Variants in LPIN2 observed in about 807,000 individuals in gnomAD.
LPIN2 encodes phosphatidate phosphatase LPIN2.
LPIN2 carries 55 observed loss-of-function variants against 111.4 expected under a neutral mutation model. The ratio of observed to expected loss-of-function variants is 0.49; its 90% CI spans 0.40 to 0.62. The LOEUF (loss-of-function observed/expected upper bound fraction) is 0.62, where lower values mean the gene tolerates loss of function less well. LPIN2 is among the 20% of genes least tolerant of loss of function. The pLI, the probability that LPIN2 is intolerant of heterozygous loss-of-function variation, is 0.00. For synonymous variants in LPIN2, 425 were observed against 414.0 expected, an observed-to-expected ratio of 1.03 and a Z score of -0.32; for missense variants, 992 against 1,112.1, an observed-to-expected ratio of 0.89 and a Z score of 1.54.
intron 19 of LPIN2, among the ~76,000 whole-genome samples, 162 bp from the exon 20 acceptor site, chr18:2,920,599 G>C (rs1019610351): frequency 6.6e-6 from 1 of 152,066 alleles, no homozygotes; most frequent in Admixed American, 6.5e-5. Context: ...TACAAGTCTA[G>C]GATAACCAGA....
intron 2 of LPIN2, among the ~76,000 whole-genome samples, chr18:2,956,336 G>C (rs1475283944): frequency 6.6e-6 from 1 of 151,314 alleles, no homozygotes; most frequent in Non-Finnish European, 1.5e-5. Context: ...GTGTGTGTGT[G>C]TGTGTGTGTA....
chr18:3,010,495 G>C (rs1004619142), intron 1 of LPIN2, among the ~76,000 whole-genome samples: 1 of 152,148 alleles, frequency 6.6e-6, no homozygotes, highest in African/African-American at 2.4e-5. Context: ...TTACCAAGCA[G>C]TGAAGGGTAT....
At chr18:2,935,505 A>T (rs1470004222) in intron 7 of LPIN2, among the ~76,000 whole-genome samples, 3 of 152,180 alleles carry the variant, frequency 2.0e-5, no homozygotes, top group Non-Finnish European at 4.4e-5. Flanking sequence ...GGATGGGTGT[A>T]GGAGAGAGAG....
chr18:2,981,690 C>T (rs192454521), intron 1 of LPIN2, among the ~76,000 whole-genome samples: 17 of 152,310 alleles, frequency 1.1e-4, no homozygotes, highest in Non-Finnish European at 1.8e-4. Context: ...CGTGGTAGCA[C>T]CTGACTCTTC....
chr18:2,920,789 T>G lies in LPIN2; in HGVS notation c.2535A>C (p.Gly845=), dbSNP rs186864136. ...GAGAATGTACTTACGATGACTTGTT[T>G]CCTTTGGTTCTTTCTTGTATTAATT... is the stretch of plus-strand genomic sequence containing the variant. ...KGELIQERTK[G]NKSSYHRLSE... is the part of the protein sequence containing the mutation. Residue 845 remains glycine, a synonymous_variant, in exon 19 of 20, where the codon GGA becomes GGC. Coordinates refer to ENST00000677752, the MANE Select transcript of LPIN2 (RefSeq NM_001375808.2). The G allele has an allele frequency of 1.7e-4, 267 of 1,613,796 alleles. No individual in the cohort carries two copies. The highest frequency in any genetic ancestry group is 2.0e-4 in the Non-Finnish European group (238 of 1,179,660).
Position 2,937,549 on chromosome 18 carries a change from A to T in LPIN2, c.1168+143T>A. The stretch of plus-strand genomic sequence containing the variant: ...AACAAGAGCGAAACTCCAGCTAAAA[A>T]AAAAAAAAAAAAAAAAAAAAAAGTG... On this transcript the variant is annotated intron_variant, in intron 7 of 19. Transcript: ENST00000677752. 4 of 381,596 alleles carry T rather than the reference A, an allele frequency of 1.0e-5. No individual in the cohort carries two copies. In the East Asian group the frequency reaches 2.9e-4, roughly 27 times the overall value. The allele number at this position is 381,596 out of a possible 1,614,324, so 23.6% of individuals were successfully genotyped here.
intron 1 of LPIN2, among the ~76,000 whole-genome samples, chr18:3,000,836 C>T (rs1295594344): frequency 6.6e-6 from 1 of 151,922 alleles, no homozygotes; most frequent in Non-Finnish European, 1.5e-5. Context: ...GACTGTGTCT[C>T]GTCCAAAAAC....
At chr18:2,935,825 A>T (rs1055313179) in intron 7 of LPIN2, among the ~76,000 whole-genome samples, 1 of 151,858 alleles carries the variant, frequency 6.6e-6, no homozygotes, top group Non-Finnish European at 1.5e-5. Flanking sequence ...TTGAGGAGAG[A>T]GGGAGGGCAA....
At position 2,944,333 on chromosome 18, in the gene LPIN2, C is replaced by CTT. The variant is rs768515839; in HGVS notation, c.591-3623_591-3622dup. ...TGATATCCTAATGTATTTCCACAAA[C>CTT]TTTTTTTTTTTTTTTTTTTTTTTTT... On this transcript the variant is annotated intron_variant, in intron 4 of 19. Transcript: ENST00000677752. Among the ~76,000 whole-genome samples the CTT allele has an allele frequency of 1.1e-3, 57 of 51,346 alleles. 16 individuals are homozygous for CTT. The highest frequency in any genetic ancestry group is 2.0e-3 in the Non-Finnish European group (52 of 26,522). 33.7% of individuals were successfully genotyped at this position (51,346 alleles called of 152,430 possible).
intron 14 of LPIN2, among the ~76,000 whole-genome samples, chr18:2,925,000 AAGG>A (rs1296995378): frequency 6.6e-6 from 1 of 152,010 alleles, no homozygotes; most frequent in African/African-American, 2.4e-5. Flanking sequence ...GAGATGGAGG[AAGG>A]AGGTCTGGGG....
At chr18:3,010,835 C>G (rs1008396734) in intron 1 of LPIN2, among the ~76,000 whole-genome samples, 1 of 151,598 alleles carries the variant, frequency 6.6e-6, no homozygotes, top group African/African-American at 2.4e-5. Flanking sequence ...ACACAGAGAA[C>G]CAAGCCATAA....
chr18:2,932,652 AG>A (rs1374615936), intron 8 of LPIN2, among the ~76,000 whole-genome samples: 3 of 152,184 alleles, frequency 2.0e-5, no homozygotes, highest in African/African-American at 7.2e-5. Flanking sequence ...GCACACGGCG[AG>A]GCCCCCTTGC....
At chr18:2,964,625 T>C (rs1044891719) in intron 1 of LPIN2, among the ~76,000 whole-genome samples, 3 of 152,206 alleles carry the variant, frequency 2.0e-5, no homozygotes, top group African/African-American at 7.2e-5. Context: ...TAAATGTCTG[T>C]TGTTTAAGCC....
chr18:2,999,700 A>G (rs2078401790), intron 1 of LPIN2, among the ~76,000 whole-genome samples: 1 of 152,166 alleles, frequency 6.6e-6, no homozygotes, highest in Non-Finnish European at 1.5e-5. Context: ...GGGGTGATGC[A>G]TCTGCAAGCC....
intron 4 of LPIN2, among the ~76,000 whole-genome samples, chr18:2,943,200 T>TTTTTTG (rs150542718): frequency 2.7e-4 from 40 of 148,208 alleles, no homozygotes; most frequent in South Asian, 1.5e-3. Flanking sequence ...CTCAGTTTTT[T>TTTTTTG]TTCTGTTTTG....
At chr18:2,920,694 CAG>C in intron 19 of LPIN2, 82 bp downstream of exon 19, 1 of 1,037,610 alleles carries the variant, frequency 9.6e-7, no homozygotes, top group Non-Finnish European at 1.5e-6. Flanking sequence ...TCTCAAGGAT[CAG>C]GGGGAAAAGG....
At chr18:3,010,417 T>C (rs892698663) in intron 1 of LPIN2, among the ~76,000 whole-genome samples, 1 of 152,106 alleles carries the variant, frequency 6.6e-6, no homozygotes, top group African/African-American at 2.4e-5. Flanking sequence ...AACTTGTGAG[T>C]TGTTTCATCA....
chr18:3,008,890 T>TG (rs1272948774), intron 1 of LPIN2, among the ~76,000 whole-genome samples: 29 of 151,250 alleles, frequency 1.9e-4, no homozygotes, highest in African/African-American at 7.1e-4. Flanking sequence ...TTTTTTTTTT[T>TG]TTTTTTTTGG....
chr18:2,969,159 T>G (rs565517170), intron 1 of LPIN2, among the ~76,000 whole-genome samples: 2 of 152,210 alleles, frequency 1.3e-5, no homozygotes, highest in African/African-American at 4.8e-5. Context: ...TTTCTGACTG[T>G]TTTAAAGCTT....
Sources: gnomAD v4.1 joint callset for allele counts (sites outside exome capture counted in the v4.1 genomes callset) on GRCh38, gnomAD v4.1.1 for gene constraint, MANE v1.5 for transcripts, NCBI Gene and HGNC (gene_info 2026-07-23, HGNC 2026-07-21) for gene names.